The following ANKFN1 variants were observed in gnomAD, a reference collection of about 807,000 sequenced individuals.
ANKFN1 encodes ankyrin repeat and fibronectin type III domain containing 1.
ANKFN1 carries 74 observed loss-of-function variants against 108.7 expected under a neutral mutation model. That is an observed-to-expected ratio of 0.68 (90% CI 0.56 to 0.83). The LOEUF (loss-of-function observed/expected upper bound fraction) is 0.83, where lower values mean the gene tolerates loss of function less well. Ranked by LOEUF, ANKFN1 falls within the 40% of genes least tolerant of loss-of-function variation. ANKFN1 has a pLI of 0.00. For synonymous variants in ANKFN1, 547 were observed against 516.2 expected (o/e 1.06, Z -0.81); for missense variants, 1,505 against 1,382.3 (o/e 1.09, Z -1.41).
At chr17:56,479,853 A>G (rs2050634067) in intron 16 of ANKFN1, among the ~76,000 whole-genome samples, 1 of 152,220 alleles carries the variant, frequency 6.6e-6, no homozygotes, top group South Asian at 2.1e-4. Flanking sequence ...TCGAAGGAGA[A>G]TCTGGGCCAA....
intron 20 of ANKFN1, among the ~76,000 whole-genome samples, chr17:56,506,745 C>G (rs1031268654): frequency 6.6e-6 from 1 of 151,748 alleles, no homozygotes; most frequent in African/African-American, 2.4e-5. Context: ...ATTAGATGAA[C>G]TAAGTGCCAC....
At chr17:56,277,047 T>G (rs1175797206) in intron 3 of ANKFN1, among the ~76,000 whole-genome samples, 2 of 152,174 alleles carry the variant, frequency 1.3e-5, no homozygotes, top group African/African-American at 4.8e-5. Context: ...TTACCCCCAC[T>G]AACTCCTAAA....
chr17:56,509,432 G>A (rs2051672482), intron 20 of ANKFN1, among the ~76,000 whole-genome samples: 1 of 152,196 alleles, frequency 6.6e-6, no homozygotes, highest in Non-Finnish European at 1.5e-5. Context: ...GAAGGAAAGA[G>A]AAAGAATGTA....
At chr17:56,442,419 TC>T (rs925115236) in intron 9 of ANKFN1, among the ~76,000 whole-genome samples, 7 of 152,270 alleles carry the variant, frequency 4.6e-5, no homozygotes, top group Non-Finnish European at 1.0e-4. Context: ...AGCAAGTTGA[TC>T]ACTAAAAGAA....
At chr17:56,251,915 C>T (rs2043243827) in intron 3 of ANKFN1, among the ~76,000 whole-genome samples, 1 of 152,200 alleles carries the variant, frequency 6.6e-6, no homozygotes, top group African/African-American at 2.4e-5. Context: ...TTAGTAAATG[C>T]TTACTGCATG....
In ANKFN1 at chr17:56,072,035, T is replaced by C. The variant is rs934565005; in HGVS notation, c.288+25710T>C. On this transcript the variant is annotated intron_variant, in intron 4 of 12. Transcript: ENST00000635860. The stretch of plus-strand genomic sequence containing the variant: ...AGCAGCCACATCTGTGATTGGTTGC[T>C]GCGCCCTTGCAATCTTAGTTTTAGT... 2.0e-5 allele frequency among the ~76,000 whole-genome samples: 3 copies of C among 152,344 alleles called. No individual in the cohort carries two copies. In the East Asian group the frequency reaches 5.8e-4, roughly 29 times the overall value.
chr17:56,161,942 A>G (rs1033005576), intron 1 of ANKFN1, among the ~76,000 whole-genome samples: 1 of 152,236 alleles, frequency 6.6e-6, no homozygotes, highest in Non-Finnish European at 1.5e-5. Context: ...AGCAACACAG[A>G]TGTGAGAGCA....
chr17:56,449,338 C>T (rs892016264), intron 11 of ANKFN1, 152 bp downstream of exon 11: 4 of 470,158 alleles, frequency 8.5e-6, no homozygotes, highest in Non-Finnish European at 1.5e-5. Flanking sequence ...CACTATCTTG[C>T]TTTAACCCTT....
At chr17:56,216,533 C>CT (rs1245493114) in intron 2 of ANKFN1, among the ~76,000 whole-genome samples, 10 of 152,162 alleles carry the variant, frequency 6.6e-5, no homozygotes, top group Non-Finnish European at 1.3e-4. Flanking sequence ...CTTACTCTGC[C>CT]TTTTTATTCT....
chr17:56,427,714 C>A (rs1459181118), intron 8 of ANKFN1, among the ~76,000 whole-genome samples: 3 of 152,106 alleles, frequency 2.0e-5, no homozygotes, highest in Admixed American at 1.3e-4. Context: ...CATAGTGGAG[C>A]TTTCTCTAGC....
At chr17:56,470,961 A>T (rs1568029598) in intron 15 of ANKFN1, among the ~76,000 whole-genome samples, 3 of 152,190 alleles carry the variant, frequency 2.0e-5, no homozygotes, top group Non-Finnish European at 4.4e-5. Flanking sequence ...TTCAGGGATC[A>T]CTTCAGTCCC....
intron 3 of ANKFN1, among the ~76,000 whole-genome samples, chr17:56,240,192 C>T (rs1312080215): frequency 6.6e-6 from 1 of 151,784 alleles, no homozygotes; most frequent in Non-Finnish European, 1.5e-5. Context: ...ATCATTCTCC[C>T]ACAAAAAAAT....
At chr17:56,479,740 G>A (rs1479952743) in intron 16 of ANKFN1, among the ~76,000 whole-genome samples, 1 of 152,208 alleles carries the variant, frequency 6.6e-6, no homozygotes. Context: ...TCACTAGGGT[G>A]GGAACATATG....
At chr17:56,242,122 T>G (rs1008181422) in intron 3 of ANKFN1, among the ~76,000 whole-genome samples, 5 of 152,170 alleles carry the variant, frequency 3.3e-5, no homozygotes, top group Non-Finnish European at 7.4e-5. Flanking sequence ...GTAGGGCTGC[T>G]GTAATTTTTC....
At chr17:56,394,629 C>A (rs571269390) in intron 8 of ANKFN1, among the ~76,000 whole-genome samples, 2 of 152,260 alleles carry the variant, frequency 1.3e-5, no homozygotes, top group African/African-American at 4.8e-5. Context: ...CCCTGGGAGC[C>A]TGGCAGTTGC....
At position 56,504,829 on chromosome 17, in the gene ANKFN1, ATTTTT is replaced by A. The variant is rs5821133; in HGVS notation, c.2645-5625_2645-5621del. On this transcript the variant is annotated intron_variant, in intron 20 of 20. Coordinates refer to ENST00000682825, the MANE Select transcript of ANKFN1 (RefSeq NM_001370326.1). ...ACCACCACACCTGGCTAATTTTTGGATTTTTTTTTTTTTTTTTTTTTTTAGTAAAC... is the reference window on the plus strand; with the variant it reads ...ACCACCACACCTGGCTAATTTTTGGATTTTTTTTTTTTTTTTTTAGTAAAC... Among the ~76,000 whole-genome samples, 7 of 116,468 alleles carry A rather than the reference ATTTTT, an allele frequency of 6.0e-5. No homozygotes were observed. The East Asian group carries it at 1.8e-3, about 29-fold the overall frequency. The allele number at this position is 116,468 out of a possible 152,430, so 76.4% of individuals were successfully genotyped here.
In ANKFN1 at chr17:56,440,284, T is replaced by C. The variant is rs1208551299; in HGVS notation, c.911-43T>C. The stretch of plus-strand genomic sequence containing the variant: ...CTTCTTGATGTGTGACTGAATTTTA[T>C]TCTCCCTCTTTCTCTCTCTCCCTGC... On this transcript the variant is annotated intron_variant, in intron 8 of 20. Transcript: ENST00000682825. The C allele has an allele frequency of 3.1e-6, 4 of 1,284,522 alleles. No homozygotes were observed. The Admixed American group carries it at 5.3e-5, about 17-fold the overall frequency. The allele number at this position is 1,284,522 out of a possible 1,614,324, so 79.6% of individuals were successfully genotyped here.
chr17:56,499,182 T>C (rs992152884), intron 20 of ANKFN1, 84 bp downstream of exon 20: 2 of 1,316,144 alleles, frequency 1.5e-6, no homozygotes, highest in Non-Finnish European at 2.1e-6. Context: ...TATGCTGAGG[T>C]ATTGGTTCCA....
At chr17:56,131,009 T>C (rs989052300) in intron 4 of ANKFN1, among the ~76,000 whole-genome samples, 16 of 152,098 alleles carry the variant, frequency 1.1e-4, no homozygotes, top group African/African-American at 3.9e-4. Context: ...ATGTCTTAAA[T>C]TGAATGGGGC....
Sources: allele counts gnomAD v4.1 joint callset (sites outside exome capture counted in the v4.1 genomes callset), GRCh38; gene constraint gnomAD v4.1.1; transcripts MANE v1.5; gene names NCBI Gene and HGNC (gene_info 2026-07-23, HGNC 2026-07-21).